The following FBXO8 variants were observed in gnomAD, a reference collection of about 807,000 sequenced individuals.
The protein encoded by FBXO8 is F-box protein 8, also known as F-box only protein 8.
In FBXO8, 15 loss-of-function variants were observed where a neutral mutation model predicts 33.4. The ratio of observed to expected loss-of-function variants is 0.45; its 90% confidence interval spans 0.30 to 0.69. The LOEUF is 0.69. FBXO8 is among the 30% of genes least tolerant of loss of function. The pLI is 0.08. For synonymous variants in FBXO8, 132 were observed against 131.5 expected (o/e 1.00, Z -0.02); for missense variants, 274 against 380.3 (o/e 0.72, Z 2.32).
chr4:174,278,968 C>T lies in FBXO8; in HGVS notation c.-9+4442G>A, dbSNP rs1184858065. ...AGCCAAGTCACTAAAATTTTGAGGT[C>T]TCAGTTTCCTCCCCTGTAAAATAAG... On this transcript the variant is annotated intron_variant, in intron 1 of 5. Transcript: ENST00000393674. The surrounding 1 kb of genome is among the most constrained non-coding windows in gnomAD (Gnocchi z 4.1). Among the ~76,000 whole-genome samples the T allele has an allele frequency of 5.3e-5, 8 of 152,128 alleles. No individual in the cohort carries two copies. The highest frequency in any genetic ancestry group is 1.9e-4 in the African/African-American group (8 of 41,516).
rs1044671999 is a variant in FBXO8 at position 174,282,698 on chromosome 4, T to C, written c.-9+712A>G. ...TACCGTAATAAAAATCATGATATAT[T>C]CATTTGTGGATATACACCTAGGAGC... On this transcript the variant is annotated intron_variant, in intron 1 of 5. Coordinates refer to ENST00000393674, the MANE Select transcript of FBXO8 (RefSeq NM_012180.3). Among the ~76,000 whole-genome samples, 22 of 152,282 alleles carry C rather than the reference T, an allele frequency of 1.4e-4. 1 individual carries two copies. Among genetic ancestry groups the C allele is most frequent in the Non-Finnish European group, 1.5e-5 (1 of 68,020 alleles).
At position 174,256,003 on chromosome 4, in the gene FBXO8, C is replaced by A; in HGVS notation, c.456+3696G>T. 2.2e-6 allele frequency: 1 copy of A among 450,870 alleles called. No individual in the cohort carries two copies. The highest frequency in any genetic ancestry group is 1.6e-5 in the South Asian group (1 of 63,588). The allele number at this position is 450,870 out of a possible 1,614,324, so 27.9% of individuals were successfully genotyped here. ...TGAGATCACAATGTCATGCATAGTA[C>A]AACAGCGTGCCAGATTATCGTACCA... On this transcript the variant is annotated intron_variant, in intron 3 of 5. Coordinates refer to ENST00000393674, the MANE Select transcript of FBXO8 (RefSeq NM_012180.3). The surrounding 1 kb of genome is among the most constrained non-coding windows in gnomAD (Gnocchi z 4.6).
rs1736290843 is a variant in FBXO8, at chr4:174,251,756, A to G, written c.456+7943T>C. Reference sequence around the variant, plus strand: ...AGAGGCTATTTAGTGTCTGAGAGGCATAATTTTTCACTTTGACTCTAATGC... The same window carrying G: ...AGAGGCTATTTAGTGTCTGAGAGGCGTAATTTTTCACTTTGACTCTAATGC... On this transcript the variant is annotated intron_variant, in intron 3 of 5. Coordinates refer to ENST00000393674, the MANE Select transcript of FBXO8 (RefSeq NM_012180.3). This position sits in a 1 kb window ranked among gnomAD's most constrained non-coding sequence, Gnocchi z 4.2. Among the ~76,000 whole-genome samples, 1 of 152,172 alleles carries G rather than the reference A, an allele frequency of 6.6e-6. No homozygotes were observed. Among genetic ancestry groups the G allele is most frequent in the South Asian group, 2.1e-4 (1 of 4,830 alleles).
rs1736497673 is a variant in FBXO8, at chr4:174,259,555, A to G, written c.456+144T>C. 4.0e-6 allele frequency: 4 copies of G among 1,006,318 alleles called. No individual in the cohort carries two copies. In the South Asian group the frequency reaches 6.1e-5, roughly 15 times the overall value. 62.3% of individuals were successfully genotyped at this position (1,006,318 alleles called of 1,614,324 possible). On this transcript the variant is annotated intron_variant, in intron 3 of 5. Transcript: ENST00000393674. The surrounding 1 kb of genome is among the most constrained non-coding windows in gnomAD (Gnocchi z 4.3). Reference sequence around the variant, plus strand: ...AGAAAAATGACTATGTCACATAGCAATAGTTTAAAATATTGGTTTTCTCAG... The same window carrying G: ...AGAAAAATGACTATGTCACATAGCAGTAGTTTAAAATATTGGTTTTCTCAG...
At position 174,255,872 on chromosome 4, in the gene FBXO8, C is replaced by A. The variant is rs990888006; in HGVS notation, c.456+3827G>T. On this transcript the variant is annotated intron_variant, in intron 3 of 5. Coordinates refer to ENST00000393674, the MANE Select transcript of FBXO8 (RefSeq NM_012180.3). The surrounding 1 kb of genome is among the most constrained non-coding windows in gnomAD (Gnocchi z 4.3). ...ACAACTTGTACATGCAGGGAAAATA[C>A]AACTTAATGTAAACAGATGGTTTTC... is the stretch of plus-strand genomic sequence containing the variant. Among the ~76,000 whole-genome samples the A allele has an allele frequency of 3.3e-5, 5 of 152,178 alleles. No individual in the cohort carries two copies. Among genetic ancestry groups the A allele is most frequent in the Admixed American group, 6.5e-5 (1 of 15,278 alleles).
intron 3 of FBXO8, among the ~76,000 whole-genome samples, chr4:174,242,388 G>A (rs1025872473): frequency 1.3e-5 from 2 of 151,310 alleles, no homozygotes; most frequent in South Asian, 2.1e-4. Flanking sequence ...TAGGTACCAC[G>A]AGGTAATGCT....
intron 3 of FBXO8, among the ~76,000 whole-genome samples, chr4:174,242,370 T>G (rs1358387464): frequency 6.6e-6 from 1 of 151,562 alleles, no homozygotes; most frequent in Non-Finnish European, 1.5e-5. Flanking sequence ...AAATTTTTTT[T>G]AAGTAATTAG....
At position 174,265,554 on chromosome 4, in the gene FBXO8, A is replaced by G. The variant is rs1736674169; in HGVS notation, c.-8-2454T>C. Among the ~76,000 whole-genome samples the G allele has an allele frequency of 6.6e-6, 1 of 152,178 alleles. No homozygotes were observed. Among genetic ancestry groups the G allele is most frequent in the African/African-American group, 2.4e-5 (1 of 41,466 alleles). ...ATGAGCTATCAAGCAATGAAAAGAC[A>G]TGGAGGAACTTTAAGTGCCTATTAT... On this transcript the variant is annotated intron_variant, in intron 1 of 5. Coordinates refer to ENST00000393674, the MANE Select transcript of FBXO8 (RefSeq NM_012180.3). The surrounding 1 kb of genome is among the most constrained non-coding windows in gnomAD (Gnocchi z 4.7).
rs909282064 is a variant in FBXO8, at chr4:174,255,507, T to A, written c.456+4192A>T. On this transcript the variant is annotated intron_variant, in intron 3 of 5. Coordinates refer to ENST00000393674, the MANE Select transcript of FBXO8 (RefSeq NM_012180.3). The surrounding 1 kb of genome is among the most constrained non-coding windows in gnomAD (Gnocchi z 4.3). ...GGTCAAATTTAAAATATTTTTATAA[T>A]AGATTATTTAGTAAAATGTATAAAA... 6.6e-6 allele frequency among the ~76,000 whole-genome samples: 1 copy of A among 151,926 alleles called. No homozygotes were observed. The highest frequency in any genetic ancestry group is 1.5e-5 in the Non-Finnish European group (1 of 67,952).
Position 174,254,064 on chromosome 4 carries a change from G to A in FBXO8, c.456+5635C>T, listed in dbSNP as rs1443901939. Among the ~76,000 whole-genome samples the A allele has an allele frequency of 6.6e-6, 1 of 152,146 alleles. No individual in the cohort carries two copies. Among genetic ancestry groups the A allele is most frequent in the African/African-American group, 2.4e-5 (1 of 41,426 alleles). On this transcript the variant is annotated intron_variant, in intron 3 of 5. Coordinates refer to ENST00000393674, the MANE Select transcript of FBXO8 (RefSeq NM_012180.3). This position sits in a 1 kb window ranked among gnomAD's most constrained non-coding sequence, Gnocchi z 4.2. ...CAGTTTAGGTTCTCTGTTCCTTGCA[G>A]CCAAAAACATCTTAGCTGATACATA...
At position 174,237,696 on chromosome 4, in the gene FBXO8, ATCAAGATT is replaced by A; in HGVS notation, c.773-105_773-98del. 9.7e-7 allele frequency: 1 copy of A among 1,026,072 alleles called. No individual in the cohort carries two copies. The highest frequency in any genetic ancestry group is 1.4e-6 in the Non-Finnish European group (1 of 712,568). 63.6% of individuals were successfully genotyped at this position (1,026,072 alleles called of 1,614,324 possible). On this transcript the variant is annotated intron_variant, in intron 5 of 5. Transcript: ENST00000393674. This position sits in a 1 kb window ranked among gnomAD's most constrained non-coding sequence, Gnocchi z 4.4. ...GCAAAAATGTTCATAATTTCAAGAT[ATCAAGATT>A]AGCTCATAAATACAGAGTGACCAAT...
chr4:174,266,641 T>G (rs936501673), intron 1 of FBXO8, among the ~76,000 whole-genome samples: 1 of 152,134 alleles, frequency 6.6e-6, no homozygotes, highest in African/African-American at 2.4e-5. Context: ...GGAGGGAGTA[T>G]AGTGGTATGG....
At chr4:174,282,328 G>A (rs1737122355) in intron 1 of FBXO8, among the ~76,000 whole-genome samples, 1 of 152,130 alleles carries the variant, frequency 6.6e-6, no homozygotes. Context: ...ATTAAATGAA[G>A]TTACGCTGCA....
At chr4:174,271,891 T>C (rs1324364445) in intron 1 of FBXO8, among the ~76,000 whole-genome samples, 1 of 152,200 alleles carries the variant, frequency 6.6e-6, no homozygotes, top group East Asian at 1.9e-4. Flanking sequence ...ATATATTATG[T>C]ATTTGGGGGA....
In FBXO8 at chr4:174,261,875, A is replaced by G. The variant is rs1736571875; in HGVS notation, c.329+889T>C. ...AAGTCTTAAAAAGATATTTGTTTTT[A>G]GTTATAGTCTATATTTTTATAAAGA... On this transcript the variant is annotated intron_variant, in intron 2 of 5. Coordinates refer to ENST00000393674, the MANE Select transcript of FBXO8 (RefSeq NM_012180.3). The surrounding 1 kb of genome is among the most constrained non-coding windows in gnomAD (Gnocchi z 4.1). 6.6e-6 allele frequency among the ~76,000 whole-genome samples: 1 copy of G among 152,054 alleles called. No individual in the cohort carries two copies. Among genetic ancestry groups the G allele is most frequent in the Admixed American group, 6.6e-5 (1 of 15,254 alleles).
rs759109935 is a variant in FBXO8 at position 174,265,844 on chromosome 4, C to T, written c.-8-2744G>A. On this transcript the variant is annotated intron_variant, in intron 1 of 5. Coordinates refer to ENST00000393674, the MANE Select transcript of FBXO8 (RefSeq NM_012180.3). The surrounding 1 kb of genome is among the most constrained non-coding windows in gnomAD (Gnocchi z 4.7). The stretch of plus-strand genomic sequence containing the variant: ...CATAAAGAAAAGTATTTTATTTTCA[C>T]CATTGCTATTCCTCTATTTAACTTA... 5.9e-5 allele frequency among the ~76,000 whole-genome samples: 9 copies of T among 152,088 alleles called. No homozygotes were observed. Among genetic ancestry groups the T allele is most frequent in the Non-Finnish European group, 8.8e-5 (6 of 68,008 alleles).
intron 4 of FBXO8, among the ~76,000 whole-genome samples, chr4:174,239,962 G>T (rs994824291): frequency 7.9e-5 from 12 of 151,448 alleles, no homozygotes; most frequent in African/African-American, 2.9e-4. Flanking sequence ...ACAGGAACAG[G>T]CGAACTACAG....
At chr4:174,269,050 A>G (rs1736769927) in intron 1 of FBXO8, 1 of 152,230 alleles carries the variant, frequency 6.6e-6, no homozygotes, top group African/African-American at 2.4e-5. Context: ...AAGGTGTCCC[A>G]TGCCTTTTCT....
chr4:174,277,505 G>A lies in FBXO8; in HGVS notation c.-9+5905C>T, dbSNP rs145514502. Among the ~76,000 whole-genome samples the A allele has an allele frequency of 0.013, 1,918 of 151,792 alleles. 20 individuals carry two copies. Among genetic ancestry groups the A allele is most frequent in the Middle Eastern group, 0.044 (13 of 294 alleles). ...GAAGAATGGTTTATATACTATTTGG[G>A]CATATAAAATCTACACAGGGAAAGA... On this transcript the variant is annotated intron_variant, in intron 1 of 5. Coordinates refer to ENST00000393674, the MANE Select transcript of FBXO8 (RefSeq NM_012180.3). This position sits in a 1 kb window ranked among gnomAD's most constrained non-coding sequence, Gnocchi z 4.9.
Sources: gnomAD v4.1 joint callset for allele counts (sites outside exome capture counted in the v4.1 genomes callset) on GRCh38, gnomAD v4.1.1 for gene constraint, Gnocchi (gnomAD v3.1) non-coding constraint, MANE v1.5 for transcripts, NCBI Gene and HGNC (gene_info 2026-07-23, HGNC 2026-07-21) for gene names.